Variants in HPCAL1 observed in about 807,000 individuals in gnomAD.
HPCAL1 encodes the protein hippocalcin like 1.
Under a neutral mutation model 17.1 loss-of-function variants are expected in HPCAL1, and 8 were observed. That is an observed-to-expected ratio of 0.47 (90% CI 0.27 to 0.84). The LOEUF (loss-of-function observed/expected upper bound fraction) is 0.84, where lower values mean the gene tolerates loss of function less well. Among genes scored for constraint, HPCAL1 ranks in the 40% least tolerant of loss-of-function variants. The probability of loss-of-function intolerance (pLI) is 0.13; values close to 1 mark genes in which losing one functional copy is unlikely to be tolerated. For missense variants in HPCAL1, 165 were observed against 271.1 expected (o/e 0.61, Z 2.75); for synonymous variants, 112 against 111.4 (o/e 1.01, Z -0.03).
chr2:10,342,660 C>T lies in HPCAL1; in HGVS notation c.-111+39483C>T, dbSNP rs1428988915. ...TGGCTGGAGGAACCCCGTGTGTTTG[C>T]ACTGTGCTCTGAGCTCCCTCTCATG... On this transcript the variant is annotated intron_variant, in intron 1 of 4. Transcript: ENST00000307845. This position sits in a 1 kb window ranked among gnomAD's most constrained non-coding sequence, Gnocchi z 4.1. 1.3e-5 allele frequency among the ~76,000 whole-genome samples: 2 copies of T among 152,216 alleles called. No individual in the cohort carries two copies. The highest frequency in any genetic ancestry group is 2.9e-5 in the Non-Finnish European group (2 of 68,034).
intron 1 of HPCAL1, among the ~76,000 whole-genome samples, chr2:10,321,792 T>A (rs563795757): frequency 6.6e-5 from 10 of 152,342 alleles, no homozygotes; most frequent in South Asian, 2.1e-4. Flanking sequence ...TGCGTGTGTA[T>A]CTGTACTGCA....
At position 10,367,350 on chromosome 2, in the gene HPCAL1, G is replaced by A. The variant is rs929927748; in HGVS notation, c.-110-29485G>A. Among the ~76,000 whole-genome samples the A allele has an allele frequency of 1.6e-4, 25 of 151,704 alleles. No homozygotes were observed. The highest frequency in any genetic ancestry group is 5.6e-4 in the African/African-American group (23 of 41,280). ...GTCACCCAGGCTAGAGTGCGAGCTC[G>A]ATCATAGCTCACTGCAACCTCAAAC... On this transcript the variant is annotated intron_variant, in intron 1 of 4. Coordinates refer to ENST00000307845, the MANE Select transcript of HPCAL1 (RefSeq NM_002149.4). The surrounding 1 kb of genome is among the most constrained non-coding windows in gnomAD (Gnocchi z 4.4).
chr2:10,409,405 C>G lies in HPCAL1; in HGVS notation c.-24-10329C>G, dbSNP rs372997262. Reference sequence around the variant, plus strand: ...CCGGCACAGCCTCCCCGCAATCACCCAGGGGCAAAACGGGCCCCTCCTTGG... The same window carrying G: ...CCGGCACAGCCTCCCCGCAATCACCGAGGGGCAAAACGGGCCCCTCCTTGG... On this transcript the variant is annotated intron_variant, in intron 2 of 4. Transcript: ENST00000307845. Among the ~76,000 whole-genome samples, 93 of 152,322 alleles carry G rather than the reference C, an allele frequency of 6.1e-4. 1 individual carries two copies. The South Asian group carries it at 0.013, about 22-fold the overall frequency.
intron 1 of HPCAL1, among the ~76,000 whole-genome samples, chr2:10,391,879 G>A (rs1572794766): frequency 6.6e-6 from 1 of 152,190 alleles, no homozygotes; most frequent in African/African-American, 2.4e-5. Flanking sequence ...CTCCGGAGTA[G>A]CTGGGATTAC....
rs906326515 is a variant in HPCAL1 at position 10,367,127 on chromosome 2, G to T, written c.-110-29708G>T. Among the ~76,000 whole-genome samples, 1 of 152,020 alleles carries T rather than the reference G, an allele frequency of 6.6e-6. No individual in the cohort carries two copies. On this transcript the variant is annotated intron_variant, in intron 1 of 4. Transcript: ENST00000307845. This position sits in a 1 kb window ranked among gnomAD's most constrained non-coding sequence, Gnocchi z 4.4. ...ATCTGGTGGAGGACCTGGGTGTTCT[G>T]TCTGGAGATTTCCCATTGCTTTTCC...
At chr2:10,398,236 G>A (rs1319429208) in intron 2 of HPCAL1, among the ~76,000 whole-genome samples, 1 of 152,244 alleles carries the variant, frequency 6.6e-6, no homozygotes, top group East Asian at 1.9e-4. Flanking sequence ...CAGCCCCTGA[G>A]AGCCCTCATC....
intron 2 of HPCAL1, among the ~76,000 whole-genome samples, chr2:10,400,912 G>A (rs902412287): frequency 6.6e-6 from 1 of 152,228 alleles, no homozygotes; most frequent in Non-Finnish European, 1.5e-5. Flanking sequence ...AATCCTAGCC[G>A]TCAGCATCTC....
intron 1 of HPCAL1, among the ~76,000 whole-genome samples, chr2:10,347,219 G>T (rs1572690334): frequency 6.6e-6 from 1 of 151,760 alleles, no homozygotes; most frequent in East Asian, 1.9e-4. Context: ...CTGTTCTTTA[G>T]AACAACTTGC....
chr2:10,398,909 C>T (rs1444495012), intron 2 of HPCAL1, among the ~76,000 whole-genome samples: 1 of 152,048 alleles, frequency 6.6e-6, no homozygotes, highest in East Asian at 1.9e-4. Context: ...GTGAAGGGGC[C>T]ACTTCCACTC....
In HPCAL1 at chr2:10,426,788, G is replaced by A. The variant is rs200056782; in HGVS notation, c.549G>A (p.Leu183=). The A allele has an allele frequency of 1.9e-6, 3 of 1,613,418 alleles. No individual in the cohort carries two copies. Among genetic ancestry groups the A allele is most frequent in the African/African-American group, 1.3e-5 (1 of 75,066 alleles). Residue 183 remains leucine (L), a synonymous_variant, in exon 5 of 5, where the codon CTG becomes CTA. Transcript: ENST00000307845. ...GCGACCCCTCCATCGTCCGCCTGCT[G>A]CAGTGCGACCCCAGCAGTGCCAGTC... ...AKSDPSIVRL[L]QCDPSSASQF
chr2:10,368,030 T>C (rs78422774), intron 1 of HPCAL1, among the ~76,000 whole-genome samples: 12,114 of 151,944 alleles, frequency 0.08, 582 homozygotes, highest in Middle Eastern at 0.16. Context: ...TGTGTGTGCA[T>C]ATGGTGACCT....
At chr2:10,357,449 C>T (rs1056053096) in intron 1 of HPCAL1, among the ~76,000 whole-genome samples, 2 of 152,316 alleles carry the variant, frequency 1.3e-5, no homozygotes, top group South Asian at 2.1e-4. Flanking sequence ...GGCAGGGGCC[C>T]GGGAACCACC....
At chr2:10,396,016 G>A (rs1384517702) in intron 1 of HPCAL1, among the ~76,000 whole-genome samples, 6 of 152,174 alleles carry the variant, frequency 3.9e-5, no homozygotes, top group East Asian at 1.9e-4. Context: ...AGAGGGAGGC[G>A]GGCCCGTCCC....
intron 2 of HPCAL1, among the ~76,000 whole-genome samples, chr2:10,410,692 C>G (rs981455978): frequency 6.6e-6 from 1 of 151,920 alleles, no homozygotes; most frequent in Non-Finnish European, 1.5e-5. Context: ...CCCTGGGCCT[C>G]CCATTTCTTA....
chr2:10,424,369 C>T, intron 4 of HPCAL1: 1 of 405,164 alleles, frequency 2.5e-6, no homozygotes, highest in East Asian at 7.3e-5. Context: ...TCCAGCCTAG[C>T]AGGGCACCTG....
At chr2:10,333,681 T>G (rs890498098) in intron 1 of HPCAL1, among the ~76,000 whole-genome samples, 3 of 152,212 alleles carry the variant, frequency 2.0e-5, no homozygotes, top group Admixed American at 2.0e-4. Flanking sequence ...ATTCTATGTC[T>G]CTTTGGTAAG....
chr2:10,323,607 C>G lies in HPCAL1; in HGVS notation c.-111+20430C>G, dbSNP rs1457950790. Among the ~76,000 whole-genome samples the G allele has an allele frequency of 6.6e-6, 1 of 152,210 alleles. No individual in the cohort carries two copies. The highest frequency in any genetic ancestry group is 1.5e-5 in the Non-Finnish European group (1 of 68,038). ...CCATCTCTCACAGCCCAGTGGTGTA[C>G]TACCTTAGGTAAGCACCAGTTGCGC... On this transcript the variant is annotated intron_variant, in intron 1 of 4. Transcript: ENST00000307845. This position sits in a 1 kb window ranked among gnomAD's most constrained non-coding sequence, Gnocchi z 4.6.
Position 10,415,899 on chromosome 2 carries a change from G to A in HPCAL1, c.-24-3835G>A, listed in dbSNP as rs555694863. On this transcript the variant is annotated intron_variant, in intron 2 of 4. Transcript: ENST00000307845. The stretch of plus-strand genomic sequence containing the variant: ...ACCTAGCGAGCTCCATGGGCTCTGC[G>A]TGTGTACGTCTTTGCTGACTCAGTG... 1.7e-3 allele frequency among the ~76,000 whole-genome samples: 264 copies of A among 152,362 alleles called. 1 individual carries two copies. The highest frequency in any genetic ancestry group is 3.1e-3 in the Admixed American group (48 of 15,312).
intron 1 of HPCAL1, among the ~76,000 whole-genome samples, chr2:10,379,680 G>C (rs1667820600): frequency 6.6e-6 from 1 of 152,136 alleles, no homozygotes; most frequent in Admixed American, 6.5e-5. Flanking sequence ...TTGGCTAAGG[G>C]TGCAAAACTG....
Sources: allele counts gnomAD v4.1 joint callset (sites outside exome capture counted in the v4.1 genomes callset), GRCh38; gene constraint gnomAD v4.1.1; non-coding constraint Gnocchi (gnomAD v3.1); transcripts MANE v1.5; gene names NCBI Gene and HGNC (gene_info 2026-07-23, HGNC 2026-07-21).